SCHIP1: variants seen among roughly 807,000 people sequenced by gnomAD.
The protein encoded by SCHIP1 is schwannomin-interacting protein 1.
A neutral mutation model predicts 29.7 loss-of-function variants in SCHIP1; 8 were observed. The ratio of observed to expected loss-of-function variants is 0.27; its 90% CI spans 0.16 to 0.49. SCHIP1 has a LOEUF of 0.49. Ranked by LOEUF, SCHIP1 falls within the 20% of genes least tolerant of loss-of-function variation. SCHIP1 has a pLI of 0.99. For missense variants in SCHIP1, 193 were observed against 294.6 expected (o/e 0.66, Z 2.52); for synonymous variants, 76 against 94.9 (o/e 0.80, Z 1.16).
intron 2 of SCHIP1, among the ~76,000 whole-genome samples, chr3:159,867,394 A>G (rs1374277044): frequency 6.6e-6 from 1 of 152,208 alleles, no homozygotes; most frequent in Non-Finnish European, 1.5e-5. Context: ...TGTATTCCAT[A>G]TGGCTTTCAG....
At chr3:159,454,092 T>G in the SCHIP1 span, among the ~76,000 whole-genome samples, 1 of 152,218 alleles carries the variant, frequency 6.6e-6, no homozygotes, top group Admixed American at 6.5e-5. Flanking sequence ...TTGTTTCATT[T>G]CATTCCTGGA....
the SCHIP1 span, among the ~76,000 whole-genome samples, chr3:159,712,853 AG>A: frequency 6.6e-6 from 1 of 151,530 alleles, no homozygotes; most frequent in African/African-American, 2.4e-5. Flanking sequence ...AGAAAGAGAG[AG>A]AGAAAGAGAG....
chr3:159,630,982 A>C, the SCHIP1 span, among the ~76,000 whole-genome samples: 1 of 152,168 alleles, frequency 6.6e-6, no homozygotes, highest in African/African-American at 2.4e-5. Context: ...ATTACAAGGA[A>C]AGTACCAAAA....
the SCHIP1 span, among the ~76,000 whole-genome samples, chr3:159,815,324 C>T: frequency 6.6e-6 from 1 of 152,270 alleles, no homozygotes; most frequent in Non-Finnish European, 1.5e-5. Context: ...AAGGATACCT[C>T]CAAATCTGTG....
chr3:159,897,025 G>T (rs987355173), exon 7 of SCHIP1: 1 of 323,070 alleles, frequency 3.1e-6, no homozygotes, highest in African/African-American at 2.1e-5. Context: ...ACAAATCATG[G>T]TTAATAAAAG....
chr3:159,546,311 A>G, the SCHIP1 span, among the ~76,000 whole-genome samples: 296 of 152,246 alleles, frequency 1.9e-3, 1 homozygote, highest in African/African-American at 6.8e-3. Flanking sequence ...GGAGTAGTTA[A>G]AAGAGAACAG....
the SCHIP1 span, among the ~76,000 whole-genome samples, chr3:159,548,033 T>C: frequency 6.6e-6 from 1 of 152,218 alleles, no homozygotes; most frequent in Non-Finnish European, 1.5e-5. Flanking sequence ...TTATCTTTGC[T>C]ATTTTATATC....
At chr3:159,579,071 T>C in the SCHIP1 span, among the ~76,000 whole-genome samples, 2 of 152,220 alleles carry the variant, frequency 1.3e-5, no homozygotes, top group African/African-American at 2.4e-5. Flanking sequence ...CTAATCACTA[T>C]ACAAATGGAG....
the SCHIP1 span, among the ~76,000 whole-genome samples, chr3:159,645,030 G>A: frequency 6.6e-6 from 1 of 152,116 alleles, no homozygotes; most frequent in Admixed American, 6.5e-5. Flanking sequence ...CAGAAGTAAG[G>A]CAGAGAACAT....
chr3:159,318,994 T>G, the SCHIP1 span, among the ~76,000 whole-genome samples: 5 of 152,174 alleles, frequency 3.3e-5, no homozygotes, highest in Non-Finnish European at 7.3e-5. Context: ...TAGAGGCCTC[T>G]GCTGTGATTA....
the SCHIP1 span, among the ~76,000 whole-genome samples, chr3:159,780,141 C>G: frequency 0.073 from 11,122 of 152,216 alleles, 1,315 homozygotes; most frequent in African/African-American, 0.25. Context: ...TTCTCCTCCC[C>G]TGGCTCTGCT....
the SCHIP1 span, among the ~76,000 whole-genome samples, chr3:159,586,778 G>A: frequency 6.6e-6 from 1 of 152,088 alleles, no homozygotes; most frequent in Non-Finnish European, 1.5e-5. Flanking sequence ...CCCTCTGCTG[G>A]AATGATGAGG....
chr3:159,642,267 T>C, the SCHIP1 span, among the ~76,000 whole-genome samples: 1 of 152,150 alleles, frequency 6.6e-6, no homozygotes, highest in Non-Finnish European at 1.5e-5. Flanking sequence ...GTAATACTGA[T>C]ATCGAGATTT....
chr3:159,288,751 G>T, the SCHIP1 span, among the ~76,000 whole-genome samples: 9 of 152,236 alleles, frequency 5.9e-5, no homozygotes, highest in African/African-American at 1.9e-4. Context: ...AATCAATGAA[G>T]GTGGACAACA....
the SCHIP1 span, among the ~76,000 whole-genome samples, chr3:159,339,962 T>G: frequency 6.6e-6 from 1 of 152,114 alleles, no homozygotes; most frequent in African/African-American, 2.4e-5. Context: ...GTAATTCTAA[T>G]AACCAGGAAT....
the SCHIP1 span, among the ~76,000 whole-genome samples, chr3:159,304,451 C>T: frequency 2.0e-5 from 3 of 152,126 alleles, no homozygotes; most frequent in Non-Finnish European, 2.9e-5. Flanking sequence ...ATATTTCTAA[C>T]GTTTTCCTTC....
At chr3:159,491,717 CTTAAA>C in the SCHIP1 span, among the ~76,000 whole-genome samples, 1 of 152,204 alleles carries the variant, frequency 6.6e-6, no homozygotes, top group African/African-American at 2.4e-5. Context: ...CCTCTGCAGA[CTTAAA>C]TGTCCCTGTC....
the SCHIP1 span, among the ~76,000 whole-genome samples, chr3:159,491,376 G>A: frequency 5.1e-3 from 779 of 152,300 alleles, 3 homozygotes; most frequent in Non-Finnish European, 8.5e-3. Flanking sequence ...GGTGACAAAC[G>A]GCACCTGGAA....
At chr3:159,377,064 T>C in the SCHIP1 span, among the ~76,000 whole-genome samples, 2 of 152,220 alleles carry the variant, frequency 1.3e-5, no homozygotes, top group Admixed American at 6.5e-5. Flanking sequence ...CTTTATTCTT[T>C]CTCAGTTCTT....
Sources: gnomAD v4.1 joint callset for allele counts (sites outside exome capture counted in the v4.1 genomes callset) on GRCh38, gnomAD v4.1.1 for gene constraint, MANE v1.5 for transcripts, NCBI Gene and HGNC (gene_info 2026-07-23, HGNC 2026-07-21) for gene names.